The following CSTPP1 variants were observed in gnomAD, a reference collection of about 807,000 sequenced individuals.
The protein encoded by CSTPP1 is UPF0705 protein C11orf49.
the CSTPP1 span, chr11:47,130,931 G>A: frequency 6.6e-6 from 1 of 152,178 alleles, no homozygotes; most frequent in Non-Finnish European, 1.5e-5. Flanking sequence ...GTATTCTCTG[G>A]CCTCTGTGGT....
chr11:47,041,175 G>T, the CSTPP1 span: 1 of 211,712 alleles, frequency 4.7e-6, no homozygotes, highest in South Asian at 4.5e-5. Flanking sequence ...ACTTGGCCTG[G>T]ATCTTGTGTC....
At chr11:46,960,649 G>A in the CSTPP1 span, among the ~76,000 whole-genome samples, 2 of 152,038 alleles carry the variant, frequency 1.3e-5, no homozygotes, top group African/African-American at 2.4e-5. Context: ...TCAGGAGTTC[G>A]AGACCAGCCT....
At chr11:46,992,629 G>A in the CSTPP1 span, among the ~76,000 whole-genome samples, 1,966 of 152,104 alleles carry the variant, frequency 0.013, 11 homozygotes, top group Non-Finnish European at 0.021. Flanking sequence ...TCTTAACCCA[G>A]TCTATCATTG....
chr11:47,098,051 GT>G, the CSTPP1 span, among the ~76,000 whole-genome samples: 1 of 72,848 alleles, frequency 1.4e-5, no homozygotes, highest in African/African-American at 5.6e-5. Flanking sequence ...TCCACTCAGG[GT>G]TAAATGGATT....
the CSTPP1 span, among the ~76,000 whole-genome samples, chr11:47,062,855 G>A: frequency 6.6e-6 from 1 of 152,318 alleles, no homozygotes; most frequent in South Asian, 2.1e-4. Context: ...TTCACTTGAA[G>A]AATGGAAAAT....
chr11:47,100,014 T>C, the CSTPP1 span, among the ~76,000 whole-genome samples: 12 of 152,218 alleles, frequency 7.9e-5, no homozygotes, highest in African/African-American at 2.4e-4. Context: ...TTCAAGACTT[T>C]AAAGGATTTG....
At chr11:47,045,460 T>A in the CSTPP1 span, among the ~76,000 whole-genome samples, 1 of 152,226 alleles carries the variant, frequency 6.6e-6, no homozygotes, top group Non-Finnish European at 1.5e-5. Context: ...AATACTTATA[T>A]GTTTCACTGT....
chr11:47,023,533 T>TCATC, the CSTPP1 span: 4 of 152,362 alleles, frequency 2.6e-5, no homozygotes, highest in Non-Finnish European at 4.4e-5. Context: ...ACCATCACTG[T>TCATC]CATCCACCTC....
At chr11:47,039,736 G>A in the CSTPP1 span, among the ~76,000 whole-genome samples, 1 of 128,276 alleles carries the variant, frequency 7.8e-6, no homozygotes, top group African/African-American at 2.5e-5. Flanking sequence ...CTACTCAGGA[G>A]GCTGAGGCAC....
At chr11:47,159,772 G>A in the CSTPP1 span, 18 of 451,726 alleles carry the variant, frequency 4.0e-5, no homozygotes, top group African/African-American at 2.8e-4. Flanking sequence ...TTGGGAGGCC[G>A]AGGCGGCGGA....
the CSTPP1 span, among the ~76,000 whole-genome samples, chr11:46,959,856 G>T: frequency 6.8e-6 from 1 of 148,024 alleles, no homozygotes; most frequent in African/African-American, 2.6e-5. Context: ...ATTCAGTGGG[G>T]TTTAAATAAT....
At chr11:46,957,017 TTTTCCTGCAATTAATAATTGCC>T in the CSTPP1 span, among the ~76,000 whole-genome samples, 1 of 151,876 alleles carries the variant, frequency 6.6e-6, no homozygotes, top group Non-Finnish European at 1.5e-5. Flanking sequence ...TTTTTTTTCA[TTTTCCTGCAATTAATAATTGCC>T]TTTCCTTTTG....
At chr11:47,101,189 T>TA in the CSTPP1 span, among the ~76,000 whole-genome samples, 2 of 87,696 alleles carry the variant, frequency 2.3e-5, no homozygotes, top group African/African-American at 8.4e-5. Flanking sequence ...TTTTTTTTTT[T>TA]ATTTTATTTT....
chr11:46,942,403 A>AT, the CSTPP1 span, among the ~76,000 whole-genome samples: 10 of 152,184 alleles, frequency 6.6e-5, no homozygotes, highest in African/African-American at 2.4e-4. Context: ...TTTGCCAAAC[A>AT]TACCACCTAC....
chr11:47,068,928 G>C, the CSTPP1 span, among the ~76,000 whole-genome samples: 3 of 151,992 alleles, frequency 2.0e-5, no homozygotes, highest in Admixed American at 2.0e-4. Flanking sequence ...TTCCTAATCA[G>C]TGGCACATTT....
At chr11:47,081,504 AC>A in the CSTPP1 span, among the ~76,000 whole-genome samples, 3 of 152,204 alleles carry the variant, frequency 2.0e-5, no homozygotes, top group African/African-American at 7.2e-5. Flanking sequence ...TCAAACTCAC[AC>A]TGCCAATAAG....
the CSTPP1 span, among the ~76,000 whole-genome samples, chr11:46,988,669 CTCTAG>C: frequency 6.6e-6 from 1 of 152,016 alleles, no homozygotes; most frequent in Non-Finnish European, 1.5e-5. Flanking sequence ...AACAGGGTGA[CTCTAG>C]TCAATGATAA....
chr11:47,047,125 T>C, the CSTPP1 span, among the ~76,000 whole-genome samples: 1 of 152,132 alleles, frequency 6.6e-6, no homozygotes. Flanking sequence ...GGTCTTGAAC[T>C]CCTGACCTCA....
the CSTPP1 span, among the ~76,000 whole-genome samples, chr11:47,048,691 T>G: frequency 2.6e-5 from 4 of 152,046 alleles, no homozygotes; most frequent in Admixed American, 1.3e-4. Context: ...GAAGGGGGTG[T>G]TGTTGTTTAA....
Sources: gnomAD v4.1 joint callset for allele counts (sites outside exome capture counted in the v4.1 genomes callset) on GRCh38, gnomAD v4.1.1 for gene constraint, MANE v1.5 for transcripts, NCBI Gene and HGNC (gene_info 2026-07-23, HGNC 2026-07-21) for gene names.